CFAP299: variants seen among roughly 807,000 people sequenced by gnomAD.
CFAP299 encodes the protein cilia- and flagella-associated protein 299.
A neutral mutation model predicts 27.0 loss-of-function variants in CFAP299; 21 were observed. That is an observed-to-expected ratio of 0.78 (90% CI 0.55 to 1.12). The LOEUF (loss-of-function observed/expected upper bound fraction) is 1.12. CFAP299 is among the 50% of genes most tolerant of loss of function. CFAP299 has a pLI of 0.00. For synonymous variants in CFAP299, 104 were observed against 98.1 expected, an observed-to-expected ratio of 1.06 and a Z score of -0.36; for missense variants, 310 against 276.6, an observed-to-expected ratio of 1.12 and a Z score of -0.86.
At chr4:80,505,998 G>A (rs544309594) in intron 2 of CFAP299, among the ~76,000 whole-genome samples, 14 of 148,898 alleles carry the variant, frequency 9.4e-5, no homozygotes, top group African/African-American at 2.2e-4. Flanking sequence ...ACGTGTGTGC[G>A]TGTAAATATA....
chr4:80,916,716 A>T (rs940389523), intron 4 of CFAP299, among the ~76,000 whole-genome samples: 1 of 152,116 alleles, frequency 6.6e-6, no homozygotes, highest in African/African-American at 2.4e-5. Flanking sequence ...AAAACAGAAC[A>T]ATTATTGCAG....
At chr4:80,664,320 T>A (rs1741026793) in intron 3 of CFAP299, among the ~76,000 whole-genome samples, 2 of 152,016 alleles carry the variant, frequency 1.3e-5, no homozygotes. Flanking sequence ...AACGTTTGAG[T>A]CTGCTGAAGC....
At chr4:80,765,480 A>T (rs1239688490) in intron 3 of CFAP299, among the ~76,000 whole-genome samples, 1 of 152,212 alleles carries the variant, frequency 6.6e-6, no homozygotes, top group African/African-American at 2.4e-5. Flanking sequence ...ACACCAAGAA[A>T]TACTAAAGTA....
intron 2 of CFAP299, among the ~76,000 whole-genome samples, chr4:80,553,614 A>C (rs922596420): frequency 2.0e-5 from 3 of 152,200 alleles, no homozygotes; most frequent in African/African-American, 7.2e-5. Context: ...ACTAATTTGC[A>C]CTGCCACCAA....
intron 5 of CFAP299, among the ~76,000 whole-genome samples, chr4:80,956,632 T>TG: frequency 6.6e-6 from 1 of 151,956 alleles, no homozygotes; most frequent in East Asian, 1.9e-4. Context: ...TCTTTTTTTT[T>TG]TTTTATAGTG....
chr4:80,698,966 A>G (rs1578034603), intron 3 of CFAP299, among the ~76,000 whole-genome samples: 1 of 152,194 alleles, frequency 6.6e-6, no homozygotes, highest in Non-Finnish European at 1.5e-5. Context: ...TGGACACAGC[A>G]AAACCATATC....
chr4:80,483,493 AT>A (rs1260013736), intron 2 of CFAP299, among the ~76,000 whole-genome samples: 1 of 152,062 alleles, frequency 6.6e-6, no homozygotes, highest in Non-Finnish European at 1.5e-5. Flanking sequence ...ATCATTCTCA[AT>A]TTTGTTTTCA....
intron 2 of CFAP299, among the ~76,000 whole-genome samples, chr4:80,538,387 AAAAT>A (rs939403390): frequency 2.7e-4 from 41 of 152,170 alleles, no homozygotes; most frequent in African/African-American, 8.7e-4. Context: ...TAAAAATTTA[AAAAT>A]AAATCTAGTA....
At chr4:80,457,499 C>T (rs1729226178) in intron 2 of CFAP299, among the ~76,000 whole-genome samples, 1 of 152,158 alleles carries the variant, frequency 6.6e-6, no homozygotes, top group Non-Finnish European at 1.5e-5. Context: ...TCATCTGTGA[C>T]TTTTAGAAGA....
intron 3 of CFAP299, among the ~76,000 whole-genome samples, chr4:80,645,574 C>T (rs1218296880): frequency 1.3e-5 from 2 of 152,096 alleles, no homozygotes; most frequent in Non-Finnish European, 2.9e-5. Context: ...CATATTTACC[C>T]TAGGACAGTG....
chr4:80,400,134 A>G (rs369189964), intron 2 of CFAP299, among the ~76,000 whole-genome samples: 3 of 152,192 alleles, frequency 2.0e-5, no homozygotes, highest in Non-Finnish European at 2.9e-5. Context: ...TATAGATGCA[A>G]TTAGATATAT....
chr4:80,329,208 C>CATACAT, the CFAP299 span, among the ~76,000 whole-genome samples: 1 of 136,042 alleles, frequency 7.4e-6, no homozygotes, highest in Non-Finnish European at 1.5e-5. Context: ...ACACTGTATA[C>CATACAT]ATATATATAT....
At chr4:80,950,026 C>T (rs566804076) in intron 5 of CFAP299, among the ~76,000 whole-genome samples, 73 of 152,184 alleles carry the variant, frequency 4.8e-4, no homozygotes, top group South Asian at 1.5e-3. Flanking sequence ...TGAGTTGATG[C>T]TTTCAATATT....
At chr4:80,392,935 G>T (rs1006769691) in intron 2 of CFAP299, among the ~76,000 whole-genome samples, 8 of 152,104 alleles carry the variant, frequency 5.3e-5, no homozygotes, top group Admixed American at 5.2e-4. Flanking sequence ...GCCTCAGGCA[G>T]GTCCTTCAGG....
At chr4:80,562,802 C>T (rs1435214381) in intron 2 of CFAP299, among the ~76,000 whole-genome samples, 8 of 151,456 alleles carry the variant, frequency 5.3e-5, no homozygotes, top group East Asian at 1.9e-4. Context: ...CTACAAGAAA[C>T]GTACTTTACC....
Position 80,342,656 on chromosome 4 carries a change from G to A in CFAP299, c.111+6777G>A, listed in dbSNP as rs375082964. 9.2e-5 allele frequency among the ~76,000 whole-genome samples: 14 copies of A among 152,222 alleles called. No individual in the cohort carries two copies. In the South Asian group the frequency reaches 1.5e-3, roughly 16 times the overall value. ...TCACCACCAGGCCTGCTTTGCAAGA[G>A]TTCCTAAAGAAAGCACTAAATATGG... On this transcript the variant is annotated intron_variant, in intron 1 of 5. Coordinates refer to ENST00000358105, the MANE Select transcript of CFAP299 (RefSeq NM_152770.3).
At chr4:80,426,004 A>C (rs60545943) in intron 2 of CFAP299, among the ~76,000 whole-genome samples, 2 of 152,324 alleles carry the variant, frequency 1.3e-5, no homozygotes, top group East Asian at 3.9e-4. Context: ...GTGCAAGTAC[A>C]CAAAAGAAAG....
chr4:80,597,347 C>T (rs546143275), intron 3 of CFAP299, among the ~76,000 whole-genome samples: 2 of 152,230 alleles, frequency 1.3e-5, no homozygotes, highest in East Asian at 3.9e-4. Flanking sequence ...GTTTATTGGT[C>T]ATTTTAATAT....
chr4:80,480,227 G>T (rs370577645), intron 2 of CFAP299, among the ~76,000 whole-genome samples: 20 of 151,914 alleles, frequency 1.3e-4, no homozygotes, highest in African/African-American at 4.8e-4. Flanking sequence ...GATACTGCTT[G>T]TTATTGTTTA....
Sources: allele counts gnomAD v4.1 joint callset (sites outside exome capture counted in the v4.1 genomes callset), GRCh38; gene constraint gnomAD v4.1.1; transcripts MANE v1.5; gene names NCBI Gene and HGNC (gene_info 2026-07-23, HGNC 2026-07-21).